EDEM3: variants seen among roughly 807,000 people sequenced by gnomAD.
EDEM3 encodes ER degradation enhancing alpha-mannosidase like protein 3.
Under a neutral mutation model 110.2 loss-of-function variants are expected in EDEM3, and 60 were observed. The observed-to-expected ratio is 0.54, with a 90% CI of 0.44 to 0.67. The LOEUF (loss-of-function observed/expected upper bound fraction) is 0.67, where lower values mean the gene tolerates loss of function less well. EDEM3 is among the 30% of genes least tolerant of loss of function. EDEM3 has a pLI of 0.00. For synonymous variants in EDEM3, 352 were observed against 382.9 expected, an observed-to-expected ratio of 0.92 and a Z score of 0.94; for missense variants, 996 against 1,121.0, an observed-to-expected ratio of 0.89 and a Z score of 1.59.
At chr1:184,715,130 T>TATGG (rs1394691504) in intron 13 of EDEM3, among the ~76,000 whole-genome samples, 40 of 152,220 alleles carry the variant, frequency 2.6e-4, no homozygotes, top group African/African-American at 9.6e-4. Context: ...TACAGACAGT[T>TATGG]ATGGTGCTGT....
chr1:184,691,395 C>G lies in EDEM3; in HGVS notation c.*2668G>C, dbSNP rs1345594098. The G allele has an allele frequency of 6.6e-6, 1 of 152,428 alleles. No individual in the cohort carries two copies. Among genetic ancestry groups the G allele is most frequent in the Non-Finnish European group, 1.5e-5 (1 of 67,950 alleles). The allele number at this position is 152,428 out of a possible 1,614,324, so 9.4% of individuals were successfully genotyped here. ...CTGAATTAAATACTTGCTCTAATATCTCTTAAAGGATTTCAGCTAAAATCC... is the reference window on the plus strand; with the variant it reads ...CTGAATTAAATACTTGCTCTAATATGTCTTAAAGGATTTCAGCTAAAATCC... On this transcript the variant is annotated 3_prime_UTR_variant, in exon 20 of 20. Coordinates refer to ENST00000318130, the MANE Select transcript of EDEM3 (RefSeq NM_025191.4).
Position 184,717,545 on chromosome 1 carries a change from A to T in EDEM3, c.1240T>A (p.Tyr414Asn). 3 of 1,605,482 alleles carry T rather than the reference A, an allele frequency of 1.9e-6. No homozygotes were observed. The South Asian group carries it at 3.3e-5, about 18-fold the overall frequency. The change falls in exon 12 of 20, where the codon TAT (tyrosine) becomes AAT (asparagine). Residue 414 changes from tyrosine to asparagine, a missense_variant. This residue lies in a region of EDEM3 where 310 missense variants were observed against 394.6 expected (regional missense o/e 0.79). Coordinates refer to ENST00000318130, the MANE Select transcript of EDEM3 (RefSeq NM_025191.4). ...PEFAESTYFLYKATGDPYYLE... is the reference protein window; with the variant it reads ...PEFAESTYFLNKATGDPYYLE... ...AATGGGGTATATTTTCTTACTTTAT[A>T]TAAGAAGTAGGTACTTTCTGCAAAT...
chr1:184,692,162 G>A lies in EDEM3; in HGVS notation c.*1901C>T, dbSNP rs796913044. The A allele has an allele frequency of 2.0e-5, 3 of 152,228 alleles. No homozygotes were observed. Among genetic ancestry groups the A allele is most frequent in the African/African-American group, 2.4e-5 (1 of 41,566 alleles). 9.4% of individuals were successfully genotyped at this position (152,228 alleles called of 1,614,324 possible). On this transcript the variant is annotated 3_prime_UTR_variant, in exon 20 of 20. Coordinates refer to ENST00000318130, the MANE Select transcript of EDEM3 (RefSeq NM_025191.4). ...GCCCCAGTCCTATAAATCAAGGCAA[G>A]TCAAGTAATTAAGCTTCAACTATTT...
At position 184,754,626 on chromosome 1, in the gene EDEM3, C is replaced by G; in HGVS notation, c.21G>C (p.Arg7=). ...GCTGGGGAACCGGGGACCCACAGCC[C>G]CGGCCGCCGGCTTCGCTCATGGCCC... MSEAGG[R]GCGSPVPQRA... Residue 7 remains arginine (R), a synonymous_variant, in exon 1 of 20, where the codon CGG becomes CGC. Transcript: ENST00000318130. 6.3e-7 allele frequency: 1 copy of G among 1,590,908 alleles called. No homozygotes were observed.
intron 19 of EDEM3, among the ~76,000 whole-genome samples, chr1:184,696,546 C>T (rs187154962): frequency 5.9e-5 from 9 of 151,886 alleles, no homozygotes; most frequent in Admixed American, 3.9e-4. Context: ...GATGGGATTA[C>T]TTGACTCTGA....
In EDEM3 at chr1:184,702,897, A is replaced by T. The variant is rs765642179; in HGVS notation, c.2303T>A (p.Phe768Tyr). Residue 768 changes from phenylalanine to tyrosine, a missense_variant, in exon 19 of 20, where the codon TTC (phenylalanine) becomes TAC (tyrosine). Phe to Tyr is a conservative substitution (Grantham distance 22, BLOSUM62 3). Coordinates refer to ENST00000318130, the MANE Select transcript of EDEM3 (RefSeq NM_025191.4). ...CAGTATGATACTTCCTTCTTTGCTG[A>T]ATAAGAACAGCATGGGGATCTTGAT... ...DDIKIPMLFL[F>Y]SKEGSIILDA... The T allele has an allele frequency of 6.2e-7, 1 of 1,613,580 alleles. No individual in the cohort carries two copies. Among genetic ancestry groups the T allele is most frequent in the African/African-American group, 1.3e-5 (1 of 74,884 alleles).
intron 2 of EDEM3, among the ~76,000 whole-genome samples, chr1:184,740,055 C>T (rs554866078): frequency 6.6e-6 from 1 of 152,288 alleles, no homozygotes; most frequent in Middle Eastern, 3.4e-3. Context: ...TTTCTACCTA[C>T]TTGCCACGGG....
rs1019213909 is a variant in EDEM3, at chr1:184,691,111, C to T, written c.*2952G>A. On this transcript the variant is annotated 3_prime_UTR_variant, in exon 20 of 20. Transcript: ENST00000318130. ...TAAAGAAAAAGGGAGACGTATAATG[C>T]CAAGAGTTAATTTGTTCTGAAACAA... 2.0e-5 allele frequency: 3 copies of T among 152,426 alleles called. No homozygotes were observed. The highest frequency in any genetic ancestry group is 4.4e-5 in the Non-Finnish European group (3 of 67,958). 9.4% of individuals were successfully genotyped at this position (152,426 alleles called of 1,614,324 possible).
At chr1:184,705,380 G>A (rs1649859498) in intron 18 of EDEM3, among the ~76,000 whole-genome samples, 2 of 152,148 alleles carry the variant, frequency 1.3e-5, no homozygotes, top group South Asian at 4.1e-4. Flanking sequence ...GCTAGATGAT[G>A]AATAAATATT....
intron 7 of EDEM3, 65 bp from the exon 8 acceptor site, chr1:184,723,921 A>G: frequency 8.2e-7 from 1 of 1,223,180 alleles, no homozygotes; most frequent in African/African-American, 1.6e-5. Flanking sequence ...CTCTTTGGCA[A>G]ATAGGAAACT....
At position 184,742,040 on chromosome 1, in the gene EDEM3, C is replaced by T. The variant is rs1329950006; in HGVS notation, c.205-4329G>A. On this transcript the variant is annotated intron_variant, in intron 2 of 19. Transcript: ENST00000318130. Reference sequence around the variant, plus strand: ...AGCAAAAAAACTCCCAATTCCATGTCCAACTCTCTCCTACTGCCTCTCAGT... The same window carrying T: ...AGCAAAAAAACTCCCAATTCCATGTTCAACTCTCTCCTACTGCCTCTCAGT... Among the ~76,000 whole-genome samples, 3 of 152,256 alleles carry T rather than the reference C, an allele frequency of 2.0e-5. No homozygotes were observed. In the South Asian group the frequency reaches 6.2e-4, roughly 32 times the overall value.
intron 7 of EDEM3, among the ~76,000 whole-genome samples, chr1:184,725,465 T>C (rs1651138567): frequency 6.6e-6 from 1 of 151,974 alleles, no homozygotes; most frequent in Non-Finnish European, 1.5e-5. Context: ...GTTTAAAAGA[T>C]TAACCAACCA....
intron 6 of EDEM3, among the ~76,000 whole-genome samples, chr1:184,731,519 T>C (rs1050456829): frequency 1.3e-5 from 2 of 152,232 alleles, no homozygotes; most frequent in Non-Finnish European, 2.9e-5. Flanking sequence ...GATTTTATAA[T>C]ACTGTACACT....
At chr1:184,718,698 A>C (rs966150201) in intron 11 of EDEM3, among the ~76,000 whole-genome samples, 2 of 152,216 alleles carry the variant, frequency 1.3e-5, no homozygotes, top group African/African-American at 4.8e-5. Flanking sequence ...CTCAATCAGC[A>C]TGAGGAAGAG....
Position 184,719,471 on chromosome 1 carries a change from GCATC to G in EDEM3, c.1045_1048del (p.Asp349LeufsTer12), listed in dbSNP as rs1558054487. 1 of 1,613,594 alleles carries G rather than the reference GCATC, an allele frequency of 6.2e-7. No homozygotes were observed. The highest frequency in any genetic ancestry group is 1.1e-5 in the South Asian group (1 of 90,924). On this transcript the variant is annotated frameshift_variant, in exon 10 of 20. Coordinates refer to ENST00000318130, the MANE Select transcript of EDEM3 (RefSeq NM_025191.4). LOFTEE classifies it high-confidence loss of function. ...CAAGCCTGGGAAGAAGGCAAGCAAA[GCATC>G]CATCCAAGTCCGAGCATTCAGCATT...
At chr1:184,744,249 AATATATATATATATATATATATAT>A (rs55959890) in intron 2 of EDEM3, among the ~76,000 whole-genome samples, 10,922 of 87,796 alleles carry the variant, frequency 0.12, 693 homozygotes, top group Middle Eastern at 0.21. Context: ...ACAAATGACA[AATATATATATATATATATATATAT>A]ATATATATAT....
In EDEM3 at chr1:184,726,321, A is replaced by T. The variant is rs775483431; in HGVS notation, c.681T>A (p.Ala227=). 1.2e-6 allele frequency: 2 copies of T among 1,613,896 alleles called. No individual in the cohort carries two copies. The highest frequency in any genetic ancestry group is 2.2e-5 in the East Asian group (1 of 44,818). ...RTGTETDTCT[A]CAGTLILEFA... ...ATTCAAGGATCAAGGTACCTGCACA[A>T]GCTGTACAGGTATCTGTCTCAGTTC... Residue 227 remains alanine, a synonymous_variant, in exon 7 of 20, where the codon GCT becomes GCA. Coordinates refer to ENST00000318130, the MANE Select transcript of EDEM3 (RefSeq NM_025191.4).
chr1:184,721,437 ATTTTTTT>A, intron 8 of EDEM3, 51 bp from the exon 9 acceptor site: 2 of 1,452,830 alleles, frequency 1.4e-6, no homozygotes, highest in Middle Eastern at 1.8e-4. Flanking sequence ...AAACCGTTAA[ATTTTTTT>A]AAAAAAATAG....
chr1:184,750,222 T>A (rs191431190), intron 1 of EDEM3, among the ~76,000 whole-genome samples: 51 of 152,348 alleles, frequency 3.3e-4, no homozygotes, highest in Admixed American at 2.7e-3. Flanking sequence ...ATAAATAGTA[T>A]TCACTTCCAA....
Sources: allele counts gnomAD v4.1 joint callset (sites outside exome capture counted in the v4.1 genomes callset), GRCh38; gene constraint gnomAD v4.1.1; regional missense constraint gnomAD v4.1.1; transcripts MANE v1.5; gene names NCBI Gene and HGNC (gene_info 2026-07-23, HGNC 2026-07-21).